The following FMNL2 variants were observed in gnomAD, a reference collection of about 807,000 sequenced individuals.
FMNL2 encodes formin-like protein 2.
A neutral mutation model predicts 130.2 loss-of-function variants in FMNL2; 51 were observed. The observed-to-expected ratio is 0.39, with a 90% CI of 0.31 to 0.49. The LOEUF (loss-of-function observed/expected upper bound fraction) is 0.49. Ranked by LOEUF, FMNL2 falls within the 20% of genes least tolerant of loss-of-function variation. FMNL2 has a pLI of 0.85. For synonymous variants in FMNL2, 465 were observed against 467.1 expected (o/e 1.00, Z 0.06); for missense variants, 977 against 1,316.2 (o/e 0.74, Z 3.99).
At chr2:152,399,198 G>A (rs1016950895) in intron 1 of FMNL2, among the ~76,000 whole-genome samples, 16 of 152,240 alleles carry the variant, frequency 1.1e-4, no homozygotes, top group Middle Eastern at 3.2e-3. Context: ...GGGTTGCCAC[G>A]TGGCAGTGGT....
chr2:152,571,921 C>T (rs1011786639), intron 6 of FMNL2, among the ~76,000 whole-genome samples: 6 of 151,274 alleles, frequency 4.0e-5, no homozygotes, highest in Admixed American at 6.6e-5. Flanking sequence ...TTAAGTGAAT[C>T]GGTGTGACAT....
chr2:152,346,133 T>C (rs2105752759), intron 1 of FMNL2, among the ~76,000 whole-genome samples: 1 of 152,238 alleles, frequency 6.6e-6, no homozygotes, highest in Non-Finnish European at 1.5e-5. Flanking sequence ...CAAGCGATTC[T>C]CCTGCCTCAG....
At chr2:152,545,175 G>A (rs866008086) in intron 3 of FMNL2, among the ~76,000 whole-genome samples, 3 of 152,254 alleles carry the variant, frequency 2.0e-5, no homozygotes, top group South Asian at 4.2e-4. Flanking sequence ...CAACATAATT[G>A]TAATGCTTAA....
chr2:152,486,946 T>A (rs1252688104), intron 1 of FMNL2, among the ~76,000 whole-genome samples: 2 of 152,204 alleles, frequency 1.3e-5, no homozygotes, highest in East Asian at 3.8e-4. Context: ...AATATTTAGT[T>A]TTCTTCTGTG....
rs1338644355 is a variant in FMNL2 at position 152,603,664 on chromosome 2, A to G, written c.877-3675A>G. ...GGCTATGAGTAGTTTGTTGCCGTCC[A>G]CATGTGCTTTTCCAGCCATTCAAAA... On this transcript the variant is annotated intron_variant, in intron 9 of 25. Transcript: ENST00000288670. Among the ~76,000 whole-genome samples, 13 of 151,040 alleles carry G rather than the reference A, an allele frequency of 8.6e-5. 2 individuals carry two copies. The East Asian group carries it at 2.7e-3, about 31-fold the overall frequency.
intron 1 of FMNL2, among the ~76,000 whole-genome samples, chr2:152,377,430 T>A (rs1684234395): frequency 6.6e-6 from 1 of 152,254 alleles, no homozygotes; most frequent in Non-Finnish European, 1.5e-5. Context: ...TGAAAGTTAA[T>A]GCATTTATTT....
chr2:152,546,887 G>C (rs1694673638), intron 3 of FMNL2, among the ~76,000 whole-genome samples: 1 of 151,400 alleles, frequency 6.6e-6, no homozygotes, highest in Non-Finnish European at 1.5e-5. Flanking sequence ...TAGCTCCAAG[G>C]AAGAGTTTAA....
chr2:152,605,801 G>T (rs540729758), intron 9 of FMNL2, among the ~76,000 whole-genome samples: 4 of 152,318 alleles, frequency 2.6e-5, no homozygotes, highest in African/African-American at 9.6e-5. Context: ...GGCCCTCAGA[G>T]GCTGAAGGCT....
At chr2:152,509,366 A>G (rs1273487653) in intron 1 of FMNL2, among the ~76,000 whole-genome samples, 1 of 152,078 alleles carries the variant, frequency 6.6e-6, no homozygotes, top group Non-Finnish European at 1.5e-5. Context: ...ATTTCCATGT[A>G]CCACACATCA....
intron 1 of FMNL2, among the ~76,000 whole-genome samples, chr2:152,406,913 G>A (rs1686013960): frequency 6.6e-6 from 1 of 152,124 alleles, no homozygotes; most frequent in Non-Finnish European, 1.5e-5. Context: ...GTGATGAACT[G>A]GAAAAGAAGA....
At chr2:152,439,611 G>A (rs918466097) in intron 1 of FMNL2, among the ~76,000 whole-genome samples, 8 of 151,838 alleles carry the variant, frequency 5.3e-5, no homozygotes, top group Non-Finnish European at 8.8e-5. Flanking sequence ...TTGTTCTTTA[G>A]CATTAAATGA....
At chr2:152,581,916 G>A (rs538381010) in intron 9 of FMNL2, among the ~76,000 whole-genome samples, 126 of 152,242 alleles carry the variant, frequency 8.3e-4, no homozygotes, top group African/African-American at 3.0e-3. Flanking sequence ...TAAAATCCAG[G>A]TCACAGAGGG....
chr2:152,636,689 CTGTT>C (rs2105952137), intron 22 of FMNL2, 99 bp downstream of exon 22: 1 of 1,369,004 alleles, frequency 7.3e-7, no homozygotes, highest in Non-Finnish European at 9.8e-7. Context: ...CCATTTCCCT[CTGTT>C]TGTGGAGGGT....
intron 1 of FMNL2, among the ~76,000 whole-genome samples, chr2:152,519,396 G>C (rs959523835): frequency 1.3e-5 from 2 of 152,176 alleles, no homozygotes; most frequent in Non-Finnish European, 2.9e-5. Context: ...TTTGTTGAAC[G>C]AAAGACTCTT....
intron 1 of FMNL2, among the ~76,000 whole-genome samples, chr2:152,340,884 G>A (rs1681760607): frequency 6.6e-6 from 1 of 152,060 alleles, no homozygotes; most frequent in African/African-American, 2.4e-5. Flanking sequence ...TAGAGATGGG[G>A]TTTCAGCATC....
At chr2:152,462,955 A>T (rs1243756907) in intron 1 of FMNL2, among the ~76,000 whole-genome samples, 3 of 152,148 alleles carry the variant, frequency 2.0e-5, no homozygotes, top group African/African-American at 4.8e-5. Context: ...GGGGGAAAAA[A>T]TCTCATTAAC....
At chr2:152,530,584 G>A (rs1192644637) in intron 2 of FMNL2, among the ~76,000 whole-genome samples, 2 of 152,096 alleles carry the variant, frequency 1.3e-5, no homozygotes, top group South Asian at 2.1e-4. Context: ...AGACCACCAC[G>A]CTTCAGAAAA....
chr2:152,629,533 C>A, intron 18 of FMNL2, 123 bp from the exon 19 acceptor site: 3 of 820,588 alleles, frequency 3.7e-6, no homozygotes, highest in South Asian at 1.7e-5. Context: ...TAGACTCTCA[C>A]CATGAAGCCT....
intron 15 of FMNL2, among the ~76,000 whole-genome samples, chr2:152,623,883 A>G (rs1403040744): frequency 1.3e-5 from 2 of 151,804 alleles, no homozygotes; most frequent in Non-Finnish European, 2.9e-5. Flanking sequence ...TTAAAGATAC[A>G]TCCCATTCTC....
Sources: gnomAD v4.1 joint callset for allele counts (sites outside exome capture counted in the v4.1 genomes callset) on GRCh38, gnomAD v4.1.1 for gene constraint, MANE v1.5 for transcripts, NCBI Gene and HGNC (gene_info 2026-07-23, HGNC 2026-07-21) for gene names.